ENTREP2: variants seen among roughly 807,000 people sequenced by gnomAD.
ENTREP2 encodes protein ENTREP2.
chr15:29,514,936 C>G, the ENTREP2 span, among the ~76,000 whole-genome samples: 2 of 152,164 alleles, frequency 1.3e-5, no homozygotes, highest in Non-Finnish European at 2.9e-5. Context: ...GCAGGATAGA[C>G]AGGACAATGT....
chr15:29,623,437 A>T, the ENTREP2 span, among the ~76,000 whole-genome samples: 3 of 152,194 alleles, frequency 2.0e-5, no homozygotes, highest in East Asian at 1.9e-4. Flanking sequence ...CAGCAGGGGA[A>T]CTGGGGTTTA....
chr15:29,442,336 A>G, the ENTREP2 span, among the ~76,000 whole-genome samples: 1 of 152,294 alleles, frequency 6.6e-6, no homozygotes, highest in Non-Finnish European at 1.5e-5. Context: ...AGCTACTCTG[A>G]CTTGGGAAGA....
At chr15:29,267,615 G>A in the ENTREP2 span, 2 of 151,898 alleles carry the variant, frequency 1.3e-5, no homozygotes, top group African/African-American at 4.8e-5. Context: ...TTCTATGTGG[G>A]GCACACTCAC....
the ENTREP2 span, among the ~76,000 whole-genome samples, chr15:29,416,035 T>C: frequency 6.6e-6 from 1 of 152,176 alleles, no homozygotes; most frequent in Non-Finnish European, 1.5e-5. Context: ...TGCTCATGGG[T>C]AGGAAGAATC....
chr15:29,629,711 G>A, the ENTREP2 span, among the ~76,000 whole-genome samples: 13 of 152,010 alleles, frequency 8.6e-5, no homozygotes, highest in Admixed American at 3.3e-4. Flanking sequence ...AGTCTATTAC[G>A]TTTGCCCTTT....
the ENTREP2 span, among the ~76,000 whole-genome samples, chr15:29,568,710 C>CAAAAAAAAA: frequency 9.4e-5 from 12 of 128,186 alleles, no homozygotes; most frequent in Non-Finnish European, 1.1e-4. Flanking sequence ...CCTCTTAAGG[C>CAAAAAAAAA]AAAAAAAAAA....
At chr15:29,184,823 G>A in the ENTREP2 span, among the ~76,000 whole-genome samples, 2 of 152,298 alleles carry the variant, frequency 1.3e-5, no homozygotes, top group South Asian at 4.1e-4. Flanking sequence ...GGGACATGGA[G>A]CCTACCTGGA....
the ENTREP2 span, among the ~76,000 whole-genome samples, chr15:29,397,828 T>C: frequency 2.0e-5 from 3 of 152,182 alleles, no homozygotes; most frequent in Non-Finnish European, 4.4e-5. Flanking sequence ...AACTTCCAAA[T>C]TGTCTTTATA....
At chr15:29,119,844 C>T in the ENTREP2 span, among the ~76,000 whole-genome samples, 110,713 of 152,096 alleles carry the variant, frequency 0.73, 42,001 homozygotes, top group Middle Eastern at 0.91. Flanking sequence ...ACATTCCTGC[C>T]GTGCCCAGGA....
At chr15:29,189,747 A>G in the ENTREP2 span, among the ~76,000 whole-genome samples, 1 of 152,210 alleles carries the variant, frequency 6.6e-6, no homozygotes, top group Non-Finnish European at 1.5e-5. Context: ...TTAAAAAAAA[A>G]TACTGTGAAT....
At chr15:29,645,544 T>C in the ENTREP2 span, among the ~76,000 whole-genome samples, 1 of 151,036 alleles carries the variant, frequency 6.6e-6, no homozygotes, top group Non-Finnish European at 1.5e-5. Context: ...TCTCATGTGA[T>C]TACCTTATTT....
At chr15:29,570,326 C>A in the ENTREP2 span, among the ~76,000 whole-genome samples, 1 of 151,778 alleles carries the variant, frequency 6.6e-6, no homozygotes, top group Admixed American at 6.6e-5. Flanking sequence ...GAGCGGCGAG[C>A]CGGGCCCTGG....
the ENTREP2 span, among the ~76,000 whole-genome samples, chr15:29,206,845 G>GT: frequency 2.0e-5 from 3 of 152,112 alleles, no homozygotes; most frequent in Non-Finnish European, 4.4e-5. Context: ...ACCACCACAC[G>GT]TAATTACTAA....
At chr15:29,469,085 A>T in the ENTREP2 span, among the ~76,000 whole-genome samples, 1 of 152,174 alleles carries the variant, frequency 6.6e-6, no homozygotes, top group South Asian at 2.1e-4. Context: ...CCTTCCAGAA[A>T]TGCTGACACA....
the ENTREP2 span, among the ~76,000 whole-genome samples, chr15:29,285,570 C>T: frequency 1.3e-5 from 2 of 152,216 alleles, no homozygotes; most frequent in African/African-American, 2.4e-5. Flanking sequence ...ATCTGGAATT[C>T]CAAACTTCCC....
the ENTREP2 span, among the ~76,000 whole-genome samples, chr15:29,593,298 A>G: frequency 2.6e-5 from 4 of 152,176 alleles, no homozygotes; most frequent in Admixed American, 1.3e-4. Flanking sequence ...AGCTAATGTC[A>G]GGGCAAAATC....
the ENTREP2 span, among the ~76,000 whole-genome samples, chr15:29,237,352 C>T: frequency 4.6e-5 from 7 of 152,192 alleles, no homozygotes; most frequent in Admixed American, 1.3e-4. Context: ...TTTTTCTTAA[C>T]ATTTTCCTTT....
At chr15:29,544,224 G>A in the ENTREP2 span, among the ~76,000 whole-genome samples, 1 of 152,132 alleles carries the variant, frequency 6.6e-6, no homozygotes, top group Admixed American at 6.5e-5. Flanking sequence ...CAGAAAAATA[G>A]GCATTAGAGT....
At chr15:29,151,981 T>A in the ENTREP2 span, 1 of 666,028 alleles carries the variant, frequency 1.5e-6, no homozygotes. Context: ...TGTGTCTGTG[T>A]TTTCCTCATA....
Sources: gnomAD v4.1 joint callset for allele counts (sites outside exome capture counted in the v4.1 genomes callset) on GRCh38, gnomAD v4.1.1 for gene constraint, MANE v1.5 for transcripts, NCBI Gene and HGNC (gene_info 2026-07-23, HGNC 2026-07-21) for gene names.